The following TUSC3 variants were observed in gnomAD, a reference collection of about 807,000 sequenced individuals.
TUSC3 encodes the protein tumor suppressor candidate 3, also known as dolichyl-diphosphooligosaccharide--protein glycosyltransferase subunit TUSC3.
TUSC3 carries 45 observed loss-of-function variants against 44.8 expected under a neutral mutation model. That is an observed-to-expected ratio of 1.00 (90% CI 0.79 to 1.29). The LOEUF (loss-of-function observed/expected upper bound fraction) is 1.29. Ranked by LOEUF, TUSC3 falls within the 50% of genes most tolerant of loss-of-function variation. The pLI, the probability that TUSC3 is intolerant of heterozygous loss-of-function variation, is 0.00. For synonymous variants in TUSC3, 212 were observed against 152.9 expected (o/e 1.39, Z -2.85); for missense variants, 519 against 437.9 (o/e 1.19, Z -1.65).
intron 2 of TUSC3, among the ~76,000 whole-genome samples, chr8:15,623,700 G>A (rs1805355818): frequency 6.6e-6 from 1 of 151,788 alleles, no homozygotes; most frequent in Non-Finnish European, 1.5e-5. Flanking sequence ...ATGTTTGTCT[G>A]GAGGAATAAA....
chr8:15,545,017 A>G (rs1665845472), intron 1 of TUSC3, among the ~76,000 whole-genome samples: 1 of 151,794 alleles, frequency 6.6e-6, no homozygotes, highest in Admixed American at 6.6e-5. Flanking sequence ...TATATTTTAC[A>G]TGTTACATAC....
chr8:15,590,035 T>G (rs1803759614), intron 1 of TUSC3, among the ~76,000 whole-genome samples: 1 of 152,192 alleles, frequency 6.6e-6, no homozygotes, highest in Non-Finnish European at 1.5e-5. Context: ...CCATTTAAAT[T>G]TGGAGTTAGG....
chr8:15,767,108 G>A (rs1812353987), downstream of TUSC3, among the ~76,000 whole-genome samples: 1 of 152,096 alleles, frequency 6.6e-6, no homozygotes, highest in African/African-American at 2.4e-5. Flanking sequence ...GATGAGCATT[G>A]TAGCTAGTCA....
intron 1 of TUSC3, among the ~76,000 whole-genome samples, chr8:15,452,395 G>A (rs1157908165): frequency 6.6e-6 from 1 of 152,082 alleles, no homozygotes; most frequent in Non-Finnish European, 1.5e-5. Flanking sequence ...AAGAACAACT[G>A]ATTACTCACG....
rs1800242725 is a variant in TUSC3 at position 15,455,441 on chromosome 8, ATACACACCTATG to A, written n.92-27942_92-27931del. On this transcript the variant is annotated intron_variant and non_coding_transcript_variant, in intron 1 of 5. Transcript: ENST00000503191. ...CACACCTATGTATACACGTATATGT[ATACACACCTATG>A]TATACACACCTATGTATACATGTAT... Among the ~76,000 whole-genome samples the A allele has an allele frequency of 2.1e-4, 9 of 43,664 alleles. No individual in the cohort carries two copies. In the Admixed American group the frequency reaches 4.2e-3, roughly 20 times the overall value. 28.6% of individuals were successfully genotyped at this position (43,664 alleles called of 152,430 possible).
intron 1 of TUSC3, among the ~76,000 whole-genome samples, chr8:15,619,226 A>G (rs1295647693): frequency 1.7e-4 from 26 of 152,086 alleles, no homozygotes; most frequent in Admixed American, 1.7e-3. Flanking sequence ...ATGATTTGAT[A>G]TTTATTGTTA....
intron 1 of TUSC3, among the ~76,000 whole-genome samples, chr8:15,461,740 T>C (rs572312783): frequency 2.2e-5 from 3 of 136,852 alleles, no homozygotes; most frequent in African/African-American, 8.1e-5. Context: ...GTTTTAATCA[T>C]AAAGGAAAAA....
intron 6 of TUSC3, among the ~76,000 whole-genome samples, chr8:15,705,941 A>G (rs901865212): frequency 3.9e-5 from 6 of 151,942 alleles, no homozygotes; most frequent in African/African-American, 1.4e-4. Context: ...CATTTTACAT[A>G]CTTGTTTTCT....
chr8:15,797,254 T>C, the TUSC3 span, among the ~76,000 whole-genome samples: 3 of 152,340 alleles, frequency 2.0e-5, no homozygotes, highest in Non-Finnish European at 4.4e-5. Flanking sequence ...ATTATGATTT[T>C]TGGATAAGCC....
intron 6 of TUSC3, among the ~76,000 whole-genome samples, chr8:15,715,589 G>T (rs1478126342): frequency 6.6e-6 from 1 of 151,996 alleles, no homozygotes; most frequent in African/African-American, 2.4e-5. Flanking sequence ...TTTACTTCTG[G>T]AATTTTCCAT....
intron 1 of TUSC3, among the ~76,000 whole-genome samples, chr8:15,478,846 G>C (rs2129124058): frequency 6.6e-6 from 1 of 152,228 alleles, no homozygotes; most frequent in East Asian, 1.9e-4. Context: ...AGGTCTTTGA[G>C]GAATTGCCAC....
chr8:15,584,968 T>C (rs537597935), intron 1 of TUSC3, among the ~76,000 whole-genome samples: 83 of 152,332 alleles, frequency 5.4e-4, no homozygotes, highest in African/African-American at 1.9e-3. Context: ...TATACAGATA[T>C]ATATTACATA....
rs191069335 is a variant in TUSC3 at position 15,529,766 on chromosome 8, T to A, written n.189+46283T>A. Among the ~76,000 whole-genome samples the A allele has an allele frequency of 2.7e-5, 4 of 150,732 alleles. No individual in the cohort carries two copies. In the East Asian group the frequency reaches 7.8e-4, roughly 29 times the overall value. On this transcript the variant is annotated intron_variant and non_coding_transcript_variant, in intron 2 of 5. Transcript: ENST00000503191. The stretch of plus-strand genomic sequence containing the variant: ...CTTCTGTAGAATACAGGTTGCCATA[T>A]GTATAGTAATTCTGTGAAAAAGTTT...
the TUSC3 span, among the ~76,000 whole-genome samples, chr8:15,810,805 T>C: frequency 6.6e-6 from 1 of 152,170 alleles, no homozygotes; most frequent in Non-Finnish European, 1.5e-5. Flanking sequence ...CGTTAAGGTC[T>C]TCCATTGTCC....
In TUSC3 at chr8:15,683,819, C is replaced by T. The variant is rs527566966; in HGVS notation, c.798+9983C>T. On this transcript the variant is annotated intron_variant, in intron 6 of 10. Coordinates refer to ENST00000503731, the MANE Select transcript of TUSC3 (RefSeq NM_006765.4). Reference sequence around the variant, plus strand: ...TGTTGGGGCTTTTTATTTTTATGTTCTTTTTTCCTTGAAGGTTTGACTATG... The same window carrying T: ...TGTTGGGGCTTTTTATTTTTATGTTTTTTTTTCCTTGAAGGTTTGACTATG... Among the ~76,000 whole-genome samples the T allele has an allele frequency of 3.9e-5, 6 of 151,910 alleles. 1 individual carries two copies. The highest frequency in any genetic ancestry group is 6.8e-3 in the Middle Eastern group (2 of 294).
At chr8:15,795,188 C>T in the TUSC3 span, among the ~76,000 whole-genome samples, 1 of 152,140 alleles carries the variant, frequency 6.6e-6, no homozygotes, top group Non-Finnish European at 1.5e-5. Flanking sequence ...TCCCATAAAC[C>T]ATCAGTTTCT....
chr8:15,489,910 A>C (rs1156691706), intron 2 of TUSC3, among the ~76,000 whole-genome samples: 1 of 152,318 alleles, frequency 6.6e-6, no homozygotes, highest in Non-Finnish European at 1.5e-5. Flanking sequence ...ACATAAGATA[A>C]AAGATTAATT....
intron 2 of TUSC3, among the ~76,000 whole-genome samples, chr8:15,507,642 A>G (rs1338894674): frequency 6.6e-6 from 1 of 152,164 alleles, no homozygotes; most frequent in Admixed American, 6.5e-5. Context: ...GAAACCTCCC[A>G]TATACAAAAT....
In TUSC3 at chr8:15,540,402, G is replaced by A. The variant is rs769363739; in HGVS notation, c.-29G>A. 1.3e-6 allele frequency: 2 copies of A among 1,540,864 alleles called. No homozygotes were observed. The highest frequency in any genetic ancestry group is 2.0e-5 in the Admixed American group (1 of 50,786). On this transcript the variant is annotated 5_prime_UTR_variant, in exon 1 of 11. Coordinates refer to ENST00000503731, the MANE Select transcript of TUSC3 (RefSeq NM_006765.4). ...TAGGAGCTGGGCGCGCACGGCTACC[G>A]CGCGTGGAGGAGACACTGCCCTGCC... is the stretch of plus-strand genomic sequence containing the variant.
Sources: gnomAD v4.1 joint callset for allele counts (sites outside exome capture counted in the v4.1 genomes callset) on GRCh38, gnomAD v4.1.1 for gene constraint, MANE v1.5 for transcripts, NCBI Gene and HGNC (gene_info 2026-07-23, HGNC 2026-07-21) for gene names.